The following RORB variants were observed in gnomAD, a reference collection of about 807,000 sequenced individuals.
The protein encoded by RORB is nuclear receptor ROR-beta.
A neutral mutation model predicts 59.1 loss-of-function variants in RORB; 6 were observed. The ratio of observed to expected loss-of-function variants is 0.10; its 90% confidence interval spans 0.06 to 0.20. The LOEUF is 0.20. Ranked by LOEUF, RORB falls within the 10% of genes least tolerant of loss-of-function variation. The pLI is 1.00. For synonymous variants in RORB, 215 were observed against 204.5 expected, an observed-to-expected ratio of 1.05 and a Z score of -0.44; for missense variants, 320 against 560.5, an observed-to-expected ratio of 0.57 and a Z score of 4.33.
intron 4 of RORB, among the ~76,000 whole-genome samples, chr9:74,658,015 A>AAG (rs1169618509): frequency 1.1e-5 from 1 of 94,872 alleles, no homozygotes; most frequent in African/African-American, 3.1e-5. Context: ...AAAAAAAAAA[A>AAG]AAAAAAAAAA....
chr9:74,659,010 T>G (rs1431658731), intron 4 of RORB, among the ~76,000 whole-genome samples: 1 of 152,202 alleles, frequency 6.6e-6, no homozygotes, highest in Non-Finnish European at 1.5e-5. Context: ...ATCTTCTTTC[T>G]GCAGGATGGA....
chr9:74,635,842 C>T (rs1823692066), intron 3 of RORB, among the ~76,000 whole-genome samples: 1 of 151,746 alleles, frequency 6.6e-6, no homozygotes, highest in South Asian at 2.1e-4. Context: ...GAATAATTGG[C>T]ATACATTTAG....
rs1453075794 is a variant in RORB, at chr9:74,685,642, A to G, written c.*24A>G. The stretch of plus-strand genomic sequence containing the variant: ...GAAGGGGACAAGAGAACTGTCTCAT[A>G]GTCATGGAATGCATCACCATTAAGA... On this transcript the variant is annotated 3_prime_UTR_variant, in exon 10 of 10. Coordinates refer to ENST00000376896, the MANE Select transcript of RORB (RefSeq NM_006914.4). 1 of 1,534,810 alleles carries G rather than the reference A, an allele frequency of 6.5e-7. No individual in the cohort carries two copies. Among genetic ancestry groups the G allele is most frequent in the East Asian group, 2.3e-5 (1 of 43,608 alleles).
chr9:74,667,273 G>A (rs1001655047), intron 7 of RORB, among the ~76,000 whole-genome samples: 3 of 152,170 alleles, frequency 2.0e-5, no homozygotes, highest in African/African-American at 4.8e-5. Flanking sequence ...AGGAAATTGC[G>A]AAACTGAAGT....
chr9:74,610,504 AC>A (rs1487242724), intron 1 of RORB, among the ~76,000 whole-genome samples: 1 of 152,218 alleles, frequency 6.6e-6, no homozygotes, highest in Non-Finnish European at 1.5e-5. Context: ...GAATTATCTC[AC>A]TTTAAATTCT....
intron 1 of RORB, among the ~76,000 whole-genome samples, chr9:74,618,696 C>T (rs749113040): frequency 6.6e-6 from 1 of 152,000 alleles, no homozygotes; most frequent in African/African-American, 2.4e-5. Flanking sequence ...TGAGAAACAG[C>T]GTGTATGCTT....
At chr9:74,643,644 C>G (rs1324875752) in intron 4 of RORB, among the ~76,000 whole-genome samples, 1 of 152,188 alleles carries the variant, frequency 6.6e-6, no homozygotes, top group East Asian at 1.9e-4. Context: ...TCCTGGGTAA[C>G]AGGGTTGCAT....
At chr9:74,512,493 A>G (rs759231556) in intron 1 of RORB, among the ~76,000 whole-genome samples, 167 of 152,336 alleles carry the variant, frequency 1.1e-3, no homozygotes, top group Middle Eastern at 3.4e-3. Flanking sequence ...CCCCTAATAC[A>G]GTGATTCAAA....
chr9:74,630,146 A>G (rs944875381), intron 1 of RORB, 136 bp from the exon 2 acceptor site: 8 of 1,059,874 alleles, frequency 7.5e-6, no homozygotes, highest in African/African-American at 1.6e-5. Flanking sequence ...CTAATGGATG[A>G]CTCCCACACC....
Position 74,648,771 on chromosome 9 carries a change from A to G in RORB, c.637+5956A>G, listed in dbSNP as rs1732700818. Among the ~76,000 whole-genome samples, 4 of 152,158 alleles carry G rather than the reference A, an allele frequency of 2.6e-5. No individual in the cohort carries two copies. In the South Asian group the frequency reaches 8.3e-4, roughly 32 times the overall value. ...CAGATTAAAATGAATGTCAAGGACAACCAGGAGCAGCTCAAGGAAAGGGTA... is the reference window on the plus strand; with the variant it reads ...CAGATTAAAATGAATGTCAAGGACAGCCAGGAGCAGCTCAAGGAAAGGGTA... On this transcript the variant is annotated intron_variant, in intron 4 of 9. Transcript: ENST00000376896.
intron 4 of RORB, among the ~76,000 whole-genome samples, chr9:74,653,120 G>A (rs1225014113): frequency 6.6e-6 from 1 of 152,138 alleles, no homozygotes; most frequent in East Asian, 1.9e-4. Context: ...TGTCTGTTTT[G>A]AAAAAGGAAA....
chr9:74,587,581 TC>T (rs1174515996), intron 1 of RORB, among the ~76,000 whole-genome samples: 1 of 152,182 alleles, frequency 6.6e-6, no homozygotes, highest in Non-Finnish European at 1.5e-5. Flanking sequence ...ATCTCTGAGG[TC>T]AGCTGAGGAC....
At chr9:74,611,475 C>A (rs1021276204) in intron 1 of RORB, among the ~76,000 whole-genome samples, 1 of 152,170 alleles carries the variant, frequency 6.6e-6, no homozygotes. Flanking sequence ...CTCATCCCCA[C>A]TAAACATCAG....
At position 74,689,605 on chromosome 9, in the gene RORB, A is replaced by T. The variant is rs1824708149; in HGVS notation, c.*3987A>T. 1 of 152,232 alleles carries T rather than the reference A, an allele frequency of 6.6e-6. No homozygotes were observed. The highest frequency in any genetic ancestry group is 2.4e-5 in the African/African-American group (1 of 41,454). The allele number at this position is 152,232 out of a possible 1,614,324, so 9.4% of individuals were successfully genotyped here. A position where few individuals can be genotyped will look rare whatever the true frequency, so the allele number is the denominator to read the frequency against. On this transcript the variant is annotated 3_prime_UTR_variant, in exon 10 of 10. Coordinates refer to ENST00000376896, the MANE Select transcript of RORB (RefSeq NM_006914.4). ...GGTAGATTCCAAGAGATCTTAAATC[A>T]TAATAAACTCTGAATATTAACAAGA...
intron 1 of RORB, among the ~76,000 whole-genome samples, chr9:74,615,939 A>C (rs1376395941): frequency 2.0e-5 from 3 of 152,192 alleles, no homozygotes; most frequent in Non-Finnish European, 4.4e-5. Context: ...TAGGTTAATC[A>C]TATGAACATC....
chr9:74,623,069 G>A (rs1041510393), intron 1 of RORB, among the ~76,000 whole-genome samples: 2 of 152,190 alleles, frequency 1.3e-5, no homozygotes, highest in African/African-American at 4.8e-5. Context: ...ACTGTGAATA[G>A]CCAAAATGAG....
chr9:74,662,653 T>C (rs2118517017), intron 6 of RORB, 47 bp downstream of exon 6: 1 of 1,601,298 alleles, frequency 6.2e-7, no homozygotes, highest in East Asian at 2.2e-5. Context: ...AAGGATGTGG[T>C]CAGCCCTTAG....
At chr9:74,644,079 GAGCCTAA>G (rs1365801848) in intron 4 of RORB, among the ~76,000 whole-genome samples, 1 of 152,180 alleles carries the variant, frequency 6.6e-6, no homozygotes, top group African/African-American at 2.4e-5. Context: ...CTGCAAATAG[GAGCCTAA>G]AGCCTACAAG....
At chr9:74,684,591 A>G (rs1824605856) in intron 9 of RORB, among the ~76,000 whole-genome samples, 1 of 152,064 alleles carries the variant, frequency 6.6e-6, no homozygotes. Flanking sequence ...CGGCATTTAA[A>G]TTATTATAAA....
Sources: gnomAD v4.1 joint callset for allele counts (sites outside exome capture counted in the v4.1 genomes callset) on GRCh38, gnomAD v4.1.1 for gene constraint, MANE v1.5 for transcripts, NCBI Gene and HGNC (gene_info 2026-07-23, HGNC 2026-07-21) for gene names.